The following CCL17 variants were observed in gnomAD, a reference collection of about 807,000 sequenced individuals.
The protein encoded by CCL17 is C-C motif chemokine ligand 17, also known as C-C motif chemokine 17.
CCL17 carries 8 observed loss-of-function variants against 7.4 expected under a neutral mutation model. That is an observed-to-expected ratio of 1.09 (90% CI 0.64 to 1.96). The LOEUF (loss-of-function observed/expected upper bound fraction) is 1.96, where lower values mean the gene tolerates loss of function less well. CCL17 is among the 30% of genes most tolerant of loss of function. The probability of loss-of-function intolerance (pLI) is 0.00; values close to 1 mark genes in which losing one functional copy is unlikely to be tolerated. For missense variants in CCL17, 102 were observed against 113.0 expected (o/e 0.90, Z 0.44); for synonymous variants, 40 against 46.1 (o/e 0.87, Z 0.54).
chr16:57,403,806 G>A (rs1348022381), upstream of CCL17, among the ~76,000 whole-genome samples: 1 of 147,692 alleles, frequency 6.8e-6, no homozygotes, highest in African/African-American at 2.5e-5. Context: ...ACAGGCACCT[G>A]CCACCACGCT....
intron 1 of CCL17, among the ~76,000 whole-genome samples, chr16:57,410,420 C>T (rs1308839487): frequency 2.0e-5 from 3 of 152,174 alleles, no homozygotes; most frequent in African/African-American, 7.2e-5. Context: ...AATTACCCTT[C>T]ACACTCTCCT....
chr16:57,409,966 G>A (rs956299360), intron 1 of CCL17, among the ~76,000 whole-genome samples: 1 of 152,182 alleles, frequency 6.6e-6, no homozygotes, highest in Non-Finnish European at 1.5e-5. Context: ...AATCCTTACT[G>A]AGCTGCTCCG....
Position 57,415,023 on chromosome 16 carries a change from C to T in CCL17, c.71-58C>T, listed in dbSNP as rs1180259898. 1 of 1,134,266 alleles carries T rather than the reference C, an allele frequency of 8.8e-7. No homozygotes were observed. Among genetic ancestry groups the T allele is most frequent in the East Asian group, 2.3e-5 (1 of 42,572 alleles). The allele number at this position is 1,134,266 out of a possible 1,614,324, so 70.3% of individuals were successfully genotyped here. On this transcript the variant is annotated intron_variant, in intron 2 of 3. Transcript: ENST00000219244. This position sits in a 1 kb window ranked among gnomAD's most constrained non-coding sequence, Gnocchi z 4.5. ...TCTTCCACGAACACCCCCCAGAGGT[C>T]CCCGCAACACACACGCAGACACTCA...
chr16:57,411,291 C>T (rs949598542), intron 1 of CCL17, among the ~76,000 whole-genome samples: 10 of 152,188 alleles, frequency 6.6e-5, no homozygotes, highest in East Asian at 3.9e-4. Context: ...GGCCTCTGTC[C>T]GCCCTGCAGC....
intron 2 of CCL17, 90 bp from the exon 3 acceptor site, chr16:57,414,991 A>G (rs1902845757): frequency 1.2e-6 from 1 of 801,004 alleles, no homozygotes; most frequent in African/African-American, 1.7e-5. Context: ...GGACACGCAC[A>G]TGCAGATCTT....
chr16:57,396,914 A>G, the CCL17 span, among the ~76,000 whole-genome samples: 6 of 152,170 alleles, frequency 3.9e-5, no homozygotes, highest in Admixed American at 6.5e-5. Context: ...CTTGTGTAAT[A>G]GGTTAGGTTG....
At chr16:57,411,848 G>A (rs1458808764) in intron 1 of CCL17, among the ~76,000 whole-genome samples, 1 of 152,258 alleles carries the variant, frequency 6.6e-6, no homozygotes, top group East Asian at 1.9e-4. Flanking sequence ...GGGGGACTCT[G>A]CGGGGAGCTA....
intron 1 of CCL17, among the ~76,000 whole-genome samples, chr16:57,405,688 A>G (rs566115583): frequency 1.2e-4 from 19 of 152,208 alleles, no homozygotes; most frequent in Admixed American, 7.9e-4. Flanking sequence ...AGGAGTGTCC[A>G]GGTGGGTGTG....
chr16:57,407,813 C>T (rs755983342), intron 1 of CCL17, among the ~76,000 whole-genome samples: 154 of 151,628 alleles, frequency 1.0e-3, no homozygotes, highest in Non-Finnish European at 2.0e-3. Context: ...TTCATCCATC[C>T]GTCTGTCCAT....
At chr16:57,400,405 G>A (rs563922153), upstream of CCL17, among the ~76,000 whole-genome samples, 10 of 151,188 alleles carry the variant, frequency 6.6e-5, no homozygotes, top group East Asian at 1.6e-3. Context: ...CTAGACAGGG[G>A]CAATGAAGCA....
At chr16:57,405,147 G>A (rs576804395) in intron 1 of CCL17, among the ~76,000 whole-genome samples, 3 of 152,306 alleles carry the variant, frequency 2.0e-5, no homozygotes, top group African/African-American at 7.2e-5. Context: ...GAAGCAGGGA[G>A]CCATTGACGG....
chr16:57,408,391 C>T (rs1276905087), intron 1 of CCL17, among the ~76,000 whole-genome samples: 5 of 151,732 alleles, frequency 3.3e-5, no homozygotes, highest in Admixed American at 6.6e-5. Context: ...TACAACCACT[C>T]ACCTATTTAT....
chr16:57,401,971 G>A (rs1567560376), upstream of CCL17, among the ~76,000 whole-genome samples: 1 of 152,204 alleles, frequency 6.6e-6, no homozygotes, highest in Non-Finnish European at 1.5e-5. Flanking sequence ...AGACAGTGGA[G>A]AGAGCCCAGT....
At chr16:57,410,150 G>C (rs1902760899) in intron 1 of CCL17, among the ~76,000 whole-genome samples, 1 of 152,156 alleles carries the variant, frequency 6.6e-6, no homozygotes, top group Non-Finnish European at 1.5e-5. Flanking sequence ...AGAGCATCCT[G>C]GTTCCGCCCA....
intron 1 of CCL17, among the ~76,000 whole-genome samples, chr16:57,413,269 C>T (rs562000323): frequency 2.6e-5 from 4 of 152,342 alleles, no homozygotes; most frequent in African/African-American, 9.6e-5. Context: ...ACCAAAGCTG[C>T]TCTGTGCCCT....
At chr16:57,400,215 T>C (rs143560001), upstream of CCL17, among the ~76,000 whole-genome samples, 4,194 of 152,014 alleles carry the variant, frequency 0.028, 85 homozygotes, top group South Asian at 0.087. Flanking sequence ...AAAAATTAGC[T>C]GGGAGTAGTG....
intron 1 of CCL17, among the ~76,000 whole-genome samples, chr16:57,405,911 G>A (rs1201205887): frequency 5.3e-5 from 8 of 151,756 alleles, no homozygotes; most frequent in Non-Finnish European, 8.8e-5. Context: ...GCATGGTGGC[G>A]GGCGCCTGTA....
chr16:57,408,320 C>T (rs887280973), intron 1 of CCL17, among the ~76,000 whole-genome samples: 1 of 152,188 alleles, frequency 6.6e-6, no homozygotes, highest in Non-Finnish European at 1.5e-5. Context: ...CATCCTCCAT[C>T]CATCCATTCA....
rs71152269 is a variant in CCL17 at position 57,414,410 on chromosome 16, CT to C, written c.70+434del. Among the ~76,000 whole-genome samples, 380 of 75,976 alleles carry C rather than the reference CT, an allele frequency of 5.0e-3. 1 individual carries two copies. Among genetic ancestry groups the C allele is most frequent in the African/African-American group, 0.019 (340 of 17,804 alleles). The allele number at this position is 75,976 out of a possible 152,430, so 49.8% of individuals were successfully genotyped here. On this transcript the variant is annotated intron_variant, in intron 2 of 3. Transcript: ENST00000219244. ...TTCCAAGAGCATGTAAAAAAGGATT[CT>C]TTTTTTTTTTTTTTTTTTTTTTTTT...
Sources: gnomAD v4.1 joint callset for allele counts (sites outside exome capture counted in the v4.1 genomes callset) on GRCh38, gnomAD v4.1.1 for gene constraint, Gnocchi (gnomAD v3.1) non-coding constraint, MANE v1.5 for transcripts, NCBI Gene and HGNC (gene_info 2026-07-23, HGNC 2026-07-21) for gene names.